IQGAP2: variants seen among roughly 807,000 people sequenced by gnomAD.
The protein encoded by IQGAP2 is IQ motif containing GTPase activating protein 2.
In IQGAP2, 173 loss-of-function variants were observed where a neutral mutation model predicts 201.3. That is an observed-to-expected ratio of 0.86 (90% CI 0.76 to 0.98). IQGAP2 has a LOEUF of 0.98. IQGAP2 is among the 50% of genes least tolerant of loss of function. The probability of loss-of-function intolerance (pLI) is 0.00; values close to 1 mark genes in which losing one functional copy is unlikely to be tolerated. For missense variants in IQGAP2, 1,687 were observed against 1,864.8 expected (o/e 0.90, Z 1.76); for synonymous variants, 675 against 673.9 (o/e 1.00, Z -0.03).
intron 2 of IQGAP2, among the ~76,000 whole-genome samples, chr5:76,464,002 T>C (rs1754636869): frequency 6.6e-6 from 1 of 151,862 alleles, no homozygotes; most frequent in Non-Finnish European, 1.5e-5. Flanking sequence ...CGCTCACCAC[T>C]ACACCTGGCT....
chr5:76,511,284 C>A (rs968231683), intron 2 of IQGAP2, among the ~76,000 whole-genome samples: 1 of 152,112 alleles, frequency 6.6e-6, no homozygotes. Flanking sequence ...TTTTGCCTTG[C>A]CCTCATTTGC....
chr5:76,539,648 C>T (rs1025937974), intron 2 of IQGAP2, among the ~76,000 whole-genome samples: 1 of 152,128 alleles, frequency 6.6e-6, no homozygotes, highest in Admixed American at 6.5e-5. Flanking sequence ...AAGCCAACAT[C>T]AACCTTTCTC....
At chr5:76,567,335 G>A (rs61233297) in intron 3 of IQGAP2, among the ~76,000 whole-genome samples, 11,606 of 152,202 alleles carry the variant, frequency 0.076, 870 homozygotes, top group East Asian at 0.43. Context: ...TCGGATTTTG[G>A]GATTAGGGAT....
intron 13 of IQGAP2, among the ~76,000 whole-genome samples, chr5:76,624,845 G>C (rs1006145962): frequency 5.3e-5 from 8 of 152,140 alleles, no homozygotes; most frequent in South Asian, 4.1e-4. Flanking sequence ...AGGCTGAGGT[G>C]GGGGGATCAC....
chr5:76,408,732 A>G (rs1284723529), intron 1 of IQGAP2, among the ~76,000 whole-genome samples: 1 of 152,152 alleles, frequency 6.6e-6, no homozygotes, highest in South Asian at 2.1e-4. Context: ...ACAGCTCTCC[A>G]GCCTGGGCAA....
intron 1 of IQGAP2, among the ~76,000 whole-genome samples, chr5:76,461,001 C>T (rs984285489): frequency 1.3e-5 from 2 of 151,588 alleles, no homozygotes; most frequent in African/African-American, 4.9e-5. Context: ...GCCTCAGCCT[C>T]CCAAGTAGCT....
chr5:76,455,294 C>T (rs1411439909), intron 1 of IQGAP2, among the ~76,000 whole-genome samples: 2 of 151,112 alleles, frequency 1.3e-5, no homozygotes, highest in African/African-American at 4.9e-5. Flanking sequence ...ACTAAAAATA[C>T]AAAAAAAATT....
chr5:76,438,900 T>C (rs996624325), intron 1 of IQGAP2, among the ~76,000 whole-genome samples: 14 of 152,144 alleles, frequency 9.2e-5, no homozygotes, highest in Admixed American at 9.2e-4. Context: ...TTAGTTCTGC[T>C]CTAATCTTTT....
chr5:76,505,321 A>ATC (rs1757553645), intron 2 of IQGAP2, among the ~76,000 whole-genome samples: 1 of 152,224 alleles, frequency 6.6e-6, no homozygotes, highest in East Asian at 1.9e-4. Context: ...AACCGTCGAA[A>ATC]CTGCAAATCT....
chr5:76,693,786 C>T (rs1746487638), intron 31 of IQGAP2: 1 of 172,514 alleles, frequency 5.8e-6, no homozygotes, highest in African/African-American at 2.4e-5. Context: ...AAATACCTTT[C>T]ACATTTTATG....
chr5:76,654,253 A>G lies in IQGAP2; in HGVS notation c.2232A>G (p.Leu744=), dbSNP rs2150434466. The G allele has an allele frequency of 6.2e-7, 1 of 1,608,986 alleles. No homozygotes were observed. Among genetic ancestry groups the G allele is most frequent in the Non-Finnish European group, 8.5e-7 (1 of 1,176,698 alleles). The change falls in exon 19 of 36, where the codon CTA becomes CTG. Residue 744 remains leucine, a synonymous_variant. Transcript: ENST00000274364. The stretch of plus-strand genomic sequence containing the variant: ...CAAGAAAGAGCTATCTTTCAAGACT[A>G]CAGTATTTCAGAGATCATGTAAGAA... ...ATARKSYLSR[L]QYFRDHNNEI...
Position 76,693,429 on chromosome 5 carries a change from C to A in IQGAP2, c.3980C>A (p.Ala1327Glu). ...TTGACAGAAATCTTAGAGACACCAG[C>A]AACTGCGCAACAGGTAATTTGACTT... is the stretch of plus-strand genomic sequence containing the variant. ...NTLTEILETP[A>E]TAQQEVDHAT... is the part of the protein sequence containing the mutation. Residue 1327 changes from alanine (A) to glutamate (E), a missense_variant, in exon 31 of 36, where the codon GCA (alanine) becomes GAA (glutamate). Coordinates refer to ENST00000274364, the MANE Select transcript of IQGAP2 (RefSeq NM_006633.5). 6.2e-7 allele frequency: 1 copy of A among 1,606,764 alleles called. No homozygotes were observed. Among genetic ancestry groups the A allele is most frequent in the Non-Finnish European group, 8.5e-7 (1 of 1,173,560 alleles).
At chr5:76,654,306 G>T in intron 19 of IQGAP2, 35 bp downstream of exon 19, 1 of 1,333,016 alleles carries the variant, frequency 7.5e-7, no homozygotes, top group South Asian at 1.2e-5. Context: ...TATCCAGGTT[G>T]ATAATGACCT....
At chr5:76,683,061 G>A (rs1745439654) in intron 28 of IQGAP2, 54 bp from the exon 29 acceptor site, 1 of 1,047,396 alleles carries the variant, frequency 9.5e-7, no homozygotes, top group East Asian at 2.5e-5. Flanking sequence ...TATAAATATG[G>A]TACAGTTGAG....
intron 28 of IQGAP2, among the ~76,000 whole-genome samples, chr5:76,682,155 G>A (rs989340749): frequency 3.9e-5 from 6 of 152,188 alleles, no homozygotes; most frequent in Non-Finnish European, 8.8e-5. Flanking sequence ...GCACAGCTCT[G>A]TGAATACACT....
chr5:76,587,210 C>A (rs1746309414), intron 5 of IQGAP2, among the ~76,000 whole-genome samples: 1 of 152,024 alleles, frequency 6.6e-6, no homozygotes, highest in Admixed American at 6.5e-5. Context: ...GTTTTTTAAC[C>A]CTTTACTCAT....
At chr5:76,448,261 G>T (rs1453788432) in intron 1 of IQGAP2, among the ~76,000 whole-genome samples, 1 of 152,186 alleles carries the variant, frequency 6.6e-6, no homozygotes, top group Admixed American at 6.5e-5. Flanking sequence ...AGAGGAGCTG[G>T]TGCTGGCTTT....
chr5:76,551,595 G>A (rs1743530979), intron 2 of IQGAP2, among the ~76,000 whole-genome samples: 1 of 152,162 alleles, frequency 6.6e-6, no homozygotes, highest in Non-Finnish European at 1.5e-5. Flanking sequence ...GACTCCGTCT[G>A]CAATCCCGGC....
chr5:76,406,564 T>TA (rs1470471367), intron 1 of IQGAP2, among the ~76,000 whole-genome samples: 94 of 152,362 alleles, frequency 6.2e-4, no homozygotes, highest in African/African-American at 2.2e-3. Flanking sequence ...AGATGACACT[T>TA]ACGCTTAGGT....
Sources: gnomAD v4.1 joint callset for allele counts (sites outside exome capture counted in the v4.1 genomes callset) on GRCh38, gnomAD v4.1.1 for gene constraint, MANE v1.5 for transcripts, NCBI Gene and HGNC (gene_info 2026-07-23, HGNC 2026-07-21) for gene names.